Variants in ERBB4 observed in about 807,000 individuals in gnomAD.
The protein encoded by ERBB4 is receptor tyrosine-protein kinase erbB-4.
ERBB4 carries 42 observed loss-of-function variants against 158.0 expected under a neutral mutation model. The observed-to-expected ratio is 0.27, with a 90% CI of 0.21 to 0.34. The LOEUF is 0.34. Among genes scored for constraint, ERBB4 ranks in the 10% least tolerant of loss-of-function variants. The pLI, the probability that ERBB4 is intolerant of heterozygous loss-of-function variation, is 1.00. For synonymous variants in ERBB4, 583 were observed against 558.7 expected, an observed-to-expected ratio of 1.04 and a Z score of -0.61; for missense variants, 1,333 against 1,624.1, an observed-to-expected ratio of 0.82 and a Z score of 3.08.
chr2:212,109,042 C>A (rs1274041887), intron 2 of ERBB4, among the ~76,000 whole-genome samples: 1 of 152,090 alleles, frequency 6.6e-6, no homozygotes, highest in African/African-American at 2.4e-5. Flanking sequence ...TTGTCCTACT[C>A]TGCAGAATGT....
At chr2:212,125,214 C>A in intron 1 of ERBB4, 1 of 189,324 alleles carries the variant, frequency 5.3e-6, no homozygotes, top group Admixed American at 6.6e-5. Context: ...TTTATTTAAA[C>A]ATTTTTTTTT....
chr2:212,312,897 T>G, intron 1 of ERBB4, among the ~76,000 whole-genome samples: 1 of 150,866 alleles, frequency 6.6e-6, no homozygotes, highest in Non-Finnish European at 1.5e-5. Flanking sequence ...TTCAGAAAAA[T>G]CAGTATATTT....
chr2:211,572,563 T>G (rs2125748281), intron 19 of ERBB4, among the ~76,000 whole-genome samples: 1 of 152,244 alleles, frequency 6.6e-6, no homozygotes, highest in Admixed American at 6.5e-5. Flanking sequence ...AGTTTGGTAC[T>G]TATCCCCCAC....
intron 20 of ERBB4, among the ~76,000 whole-genome samples, chr2:211,553,744 TAGTA>T (rs2067165695): frequency 1.3e-5 from 2 of 152,170 alleles, no homozygotes; most frequent in African/African-American, 2.4e-5. Flanking sequence ...TTCGCACAGT[TAGTA>T]AGTGATAGAG....
intron 2 of ERBB4, among the ~76,000 whole-genome samples, chr2:211,974,467 A>G (rs2081547688): frequency 6.6e-6 from 1 of 152,174 alleles, no homozygotes; most frequent in Non-Finnish European, 1.5e-5. Context: ...TTGTGGTTCA[A>G]ATTGTGTCAA....
At chr2:211,935,645 C>G (rs559123508) in intron 3 of ERBB4, among the ~76,000 whole-genome samples, 7 of 151,814 alleles carry the variant, frequency 4.6e-5, no homozygotes, top group African/African-American at 1.4e-4. Context: ...AGCCAGGTCA[C>G]CAGCATCCGA....
At chr2:211,720,604 A>G (rs1475307873) in intron 7 of ERBB4, among the ~76,000 whole-genome samples, 1 of 152,200 alleles carries the variant, frequency 6.6e-6, no homozygotes, top group Non-Finnish European at 1.5e-5. Flanking sequence ...GATGATCAGC[A>G]TACCATTATG....
At chr2:211,415,748 A>G (rs1274625262) in intron 25 of ERBB4, among the ~76,000 whole-genome samples, 1 of 152,206 alleles carries the variant, frequency 6.6e-6, no homozygotes, top group Non-Finnish European at 1.5e-5. Flanking sequence ...CTTACATTCA[A>G]TGACTTAGAA....
chr2:212,029,826 A>T (rs576247210), intron 2 of ERBB4, among the ~76,000 whole-genome samples: 1 of 152,274 alleles, frequency 6.6e-6, no homozygotes, highest in South Asian at 2.1e-4. Context: ...CCGAGTGTGT[A>T]ATCTATACCA....
At position 211,630,446 on chromosome 2, in the gene ERBB4, G is replaced by A. The variant is rs751694803; in HGVS notation, c.2079+16C>T. 4 of 1,612,892 alleles carry A rather than the reference G, an allele frequency of 2.5e-6. No individual in the cohort carries two copies. The African/African-American group carries it at 4.0e-5, about 16-fold the overall frequency. ...AAAATCCCCAAACACATGAAGAGGA[G>A]AAAGAAATACCTCACCTCTGTTTCC... On this transcript the variant is annotated intron_variant, in intron 17 of 27. Coordinates refer to ENST00000342788, the MANE Select transcript of ERBB4 (RefSeq NM_005235.3).
chr2:212,169,475 T>A (rs901350101), intron 1 of ERBB4, among the ~76,000 whole-genome samples: 2 of 152,148 alleles, frequency 1.3e-5, no homozygotes, highest in Non-Finnish European at 2.9e-5. Context: ...AAATCGAAAC[T>A]GGATTTCTTC....
At chr2:211,602,527 C>T (rs2068832956) in intron 19 of ERBB4, among the ~76,000 whole-genome samples, 1 of 152,092 alleles carries the variant, frequency 6.6e-6, no homozygotes, top group South Asian at 2.1e-4. Flanking sequence ...TTTTCTCCTA[C>T]CCCCTGGCCA....
intron 1 of ERBB4, among the ~76,000 whole-genome samples, chr2:212,147,643 C>T (rs1179836722): frequency 2.0e-5 from 3 of 152,050 alleles, no homozygotes; most frequent in African/African-American, 7.2e-5. Context: ...ATCTTCTCAG[C>T]AGAATTGAAT....
chr2:211,519,187 T>C (rs1374890242), intron 20 of ERBB4, among the ~76,000 whole-genome samples: 1 of 152,188 alleles, frequency 6.6e-6, no homozygotes, highest in Non-Finnish European at 1.5e-5. Context: ...GAAAGAATGC[T>C]GTATAAATTT....
intron 7 of ERBB4, among the ~76,000 whole-genome samples, chr2:211,715,824 T>A (rs1575037716): frequency 6.6e-6 from 1 of 152,302 alleles, no homozygotes; most frequent in East Asian, 1.9e-4. Flanking sequence ...CTGTACCTCT[T>A]TTGTTTATCA....
intron 1 of ERBB4, among the ~76,000 whole-genome samples, chr2:212,391,077 C>T (rs537240456): frequency 2.0e-5 from 3 of 151,750 alleles, no homozygotes; most frequent in African/African-American, 2.4e-5. Flanking sequence ...TAATAAATGA[C>T]CACCATCCAT....
intron 2 of ERBB4, among the ~76,000 whole-genome samples, chr2:211,984,873 C>G (rs1284319036): frequency 6.6e-6 from 1 of 152,094 alleles, no homozygotes; most frequent in African/African-American, 2.4e-5. Context: ...CAGGTGCCCA[C>G]CGCCATGCCC....
chr2:212,428,035 A>G (rs1376274042), intron 1 of ERBB4, among the ~76,000 whole-genome samples: 2 of 152,066 alleles, frequency 1.3e-5, no homozygotes, highest in Non-Finnish European at 2.9e-5. Flanking sequence ...TGTACATAGT[A>G]GAAAGGATCT....
intron 3 of ERBB4, 21 bp downstream of exon 3, chr2:211,947,409 C>A (rs2080731762): frequency 6.3e-7 from 1 of 1,598,430 alleles, no homozygotes; most frequent in South Asian, 1.1e-5. Flanking sequence ...GCATATTTGC[C>A]ATTTTGGATA....
Sources: allele counts gnomAD v4.1 joint callset (sites outside exome capture counted in the v4.1 genomes callset), GRCh38; gene constraint gnomAD v4.1.1; transcripts MANE v1.5; gene names NCBI Gene and HGNC (gene_info 2026-07-23, HGNC 2026-07-21).